The following EYS variants were observed in gnomAD, a reference collection of about 807,000 sequenced individuals.
The protein encoded by EYS is protein eyes shut homolog.
Under a neutral mutation model 282.1 loss-of-function variants are expected in EYS, and 250 were observed. The observed-to-expected ratio is 0.89, with a 90% CI of 0.80 to 0.98. The LOEUF (loss-of-function observed/expected upper bound fraction) is 0.98. Ranked by LOEUF, EYS falls within the 50% of genes least tolerant of loss-of-function variation. The pLI is 0.00. For missense variants in EYS, 4,016 were observed against 3,709.0 expected (o/e 1.08, Z -2.15); for synonymous variants, 1,355 against 1,282.9 (o/e 1.06, Z -1.20).
intron 11 of EYS, among the ~76,000 whole-genome samples, chr6:65,323,951 C>T (rs1206815374): frequency 6.6e-6 from 1 of 152,248 alleles, no homozygotes; most frequent in Non-Finnish European, 1.5e-5. Context: ...CTCACTTTCC[C>T]AGTCACTCTG....
intron 31 of EYS, among the ~76,000 whole-genome samples, chr6:64,120,464 T>G (rs1439877894): frequency 6.6e-6 from 1 of 151,814 alleles, no homozygotes; most frequent in Admixed American, 6.6e-5. Context: ...GATGGCCTAT[T>G]CAAACTACTT....
At chr6:64,286,422 AT>A (rs1761614971) in intron 30 of EYS, among the ~76,000 whole-genome samples, 1 of 152,188 alleles carries the variant, frequency 6.6e-6, no homozygotes. Flanking sequence ...TACAGAGTCA[AT>A]TGAGAGTTAG....
intron 1 of EYS, among the ~76,000 whole-genome samples, chr6:65,661,984 A>T (rs1768020651): frequency 6.6e-6 from 1 of 152,128 alleles, no homozygotes; most frequent in African/African-American, 2.4e-5. Context: ...GGCTACAGCT[A>T]AGGCAAAGTT....
intron 29 of EYS, among the ~76,000 whole-genome samples, chr6:64,342,606 G>T (rs1468317910): frequency 6.6e-6 from 1 of 151,862 alleles, no homozygotes. Context: ...AGCCACTGCA[G>T]AAACATGCCA....
intron 35 of EYS, among the ~76,000 whole-genome samples, chr6:63,976,649 C>A (rs1766848958): frequency 6.6e-6 from 1 of 152,064 alleles, no homozygotes; most frequent in Admixed American, 6.6e-5. Context: ...TTTGAACCAA[C>A]TTTACCTTCA....
intron 31 of EYS, among the ~76,000 whole-genome samples, chr6:64,164,187 C>G (rs1775195524): frequency 6.6e-6 from 1 of 152,080 alleles, no homozygotes; most frequent in South Asian, 2.1e-4. Context: ...CTCCACTTTA[C>G]TTCTTAATTG....
intron 22 of EYS, among the ~76,000 whole-genome samples, chr6:64,666,450 G>C (rs1426838221): frequency 6.6e-6 from 1 of 152,048 alleles, no homozygotes; most frequent in Admixed American, 6.6e-5. Context: ...ATCTCTCCTT[G>C]AAGTTAATTC....
intron 5 of EYS, among the ~76,000 whole-genome samples, chr6:65,468,242 G>A (rs1765079643): frequency 6.6e-6 from 1 of 152,136 alleles, no homozygotes; most frequent in Non-Finnish European, 1.5e-5. Flanking sequence ...GCTACAAGAA[G>A]AGACAGTGAC....
chr6:64,136,260 C>G (rs1187732354), intron 31 of EYS, among the ~76,000 whole-genome samples: 2 of 152,000 alleles, frequency 1.3e-5, no homozygotes, highest in African/African-American at 4.8e-5. Context: ...TTTATAATCC[C>G]AGTTATCTTG....
chr6:65,097,303 C>T (rs993866763), intron 12 of EYS, among the ~76,000 whole-genome samples: 1 of 150,588 alleles, frequency 6.6e-6, no homozygotes, highest in Admixed American at 6.6e-5. Flanking sequence ...AGTAATTAAT[C>T]GACAGCTGTT....
intron 29 of EYS, among the ~76,000 whole-genome samples, chr6:64,325,034 A>G (rs1355650064): frequency 6.6e-6 from 1 of 152,216 alleles, no homozygotes; most frequent in Non-Finnish European, 1.5e-5. Flanking sequence ...AAATTGCCCA[A>G]AGAAACTTAA....
chr6:64,492,423 T>A (rs1776766229), intron 26 of EYS, among the ~76,000 whole-genome samples: 1 of 151,126 alleles, frequency 6.6e-6, no homozygotes, highest in African/African-American at 2.4e-5. Flanking sequence ...CCCCTTTGCT[T>A]ACATATGGAG....
At chr6:65,020,579 G>A (rs1017580565) in intron 13 of EYS, among the ~76,000 whole-genome samples, 6 of 152,158 alleles carry the variant, frequency 3.9e-5, no homozygotes, top group African/African-American at 1.4e-4. Context: ...TTTTCCAGGG[G>A]CACGGTGCAA....
intron 31 of EYS, among the ~76,000 whole-genome samples, chr6:64,194,287 C>A (rs1037833349): frequency 1.4e-5 from 1 of 72,944 alleles, no homozygotes; most frequent in Non-Finnish European, 3.0e-5. Flanking sequence ...TTAATTATTA[C>A]CTTTTAATTT....
chr6:65,514,521 A>C (rs943433731), intron 2 of EYS, among the ~76,000 whole-genome samples: 1 of 152,170 alleles, frequency 6.6e-6, no homozygotes, highest in South Asian at 2.1e-4. Context: ...GAGGCATCAC[A>C]CTACCTGACT....
intron 11 of EYS, among the ~76,000 whole-genome samples, chr6:65,313,157 G>T (rs993750091): frequency 2.0e-5 from 3 of 152,092 alleles, no homozygotes; most frequent in African/African-American, 7.2e-5. Context: ...CCCATAGGTA[G>T]GGCTGGTGAG....
At chr6:65,441,488 T>C (rs1768325972) in intron 5 of EYS, among the ~76,000 whole-genome samples, 2 of 152,048 alleles carry the variant, frequency 1.3e-5, no homozygotes, top group Non-Finnish European at 2.9e-5. Context: ...ACAAAATCTT[T>C]CCAGGACTTA....
chr6:64,064,827 G>T lies in EYS; in HGVS notation c.6725+1511C>A, dbSNP rs182172744. 2.5e-3 allele frequency among the ~76,000 whole-genome samples: 388 copies of T among 152,214 alleles called. 1 individual carries two copies. Among genetic ancestry groups the T allele is most frequent in the African/African-American group, 8.6e-3 (359 of 41,544 alleles). The stretch of plus-strand genomic sequence containing the variant: ...GTATAAAATGATGTTCTTATTAATA[G>T]AAATGCCTTTTAAACAGTTTTCTGT... On this transcript the variant is annotated intron_variant, in intron 33 of 42. Transcript: ENST00000503581.
chr6:63,762,509 A>T lies in EYS; in HGVS notation c.8023T>A (p.Tyr2675Asn), dbSNP rs1769669458. ...GTTCCTAGAGGACAGAAACAGGTGT[A>T]TCCATGAGGTAATGAAATGCAGGTT... The part of the protein sequence containing the change: ...GATCISLPHG[Y>N]TCFCPLGTTG... Residue 2675 changes from tyrosine (Y) to asparagine (N), a missense_variant, in exon 41 of 43, where the codon TAC (tyrosine) becomes AAC (asparagine). Tyr to Asn is a moderately radical substitution (Grantham distance 143). Coordinates refer to ENST00000503581, the MANE Select transcript of EYS (RefSeq NM_001142800.2). The T allele has an allele frequency of 1.3e-6, 2 of 1,550,380 alleles. No individual in the cohort carries two copies. The highest frequency in any genetic ancestry group is 1.7e-6 in the Non-Finnish European group (2 of 1,146,066).
Sources: allele counts gnomAD v4.1 joint callset (sites outside exome capture counted in the v4.1 genomes callset), GRCh38; gene constraint gnomAD v4.1.1; transcripts MANE v1.5; gene names NCBI Gene and HGNC (gene_info 2026-07-23, HGNC 2026-07-21).